Variants in AGBL1 observed in about 807,000 individuals in gnomAD.
AGBL1 encodes AGBL carboxypeptidase 1, also known as cytosolic carboxypeptidase 4.
AGBL1 carries 130 observed loss-of-function variants against 118.9 expected under a neutral mutation model. The ratio of observed to expected loss-of-function variants is 1.09; its 90% CI spans 0.95 to 1.26. The LOEUF (loss-of-function observed/expected upper bound fraction) is 1.26, where lower values mean the gene tolerates loss of function less well. AGBL1 is among the 50% of genes most tolerant of loss of function. AGBL1 has a pLI of 0.00. For synonymous variants in AGBL1, 555 were observed against 478.9 expected (o/e 1.16, Z -2.08); for missense variants, 1,584 against 1,298.1 (o/e 1.22, Z -3.38).
chr15:86,301,351 T>C (rs2079741840), intron 17 of AGBL1, among the ~76,000 whole-genome samples: 1 of 151,858 alleles, frequency 6.6e-6, no homozygotes, highest in African/African-American at 2.4e-5. Flanking sequence ...ACCTATCTAG[T>C]TGGTGGCAGA....
chr15:86,328,500 C>G (rs961848470), intron 17 of AGBL1, among the ~76,000 whole-genome samples: 3 of 151,878 alleles, frequency 2.0e-5, no homozygotes, highest in African/African-American at 7.3e-5. Flanking sequence ...TGTAGCATGC[C>G]TCAGCCACTT....
At chr15:86,457,608 T>C (rs1392320408) in intron 18 of AGBL1, among the ~76,000 whole-genome samples, 2 of 152,194 alleles carry the variant, frequency 1.3e-5, no homozygotes, top group African/African-American at 2.4e-5. Flanking sequence ...TCATATCTTG[T>C]AGAAAGATTT....
At chr15:86,822,986 A>G (rs968287270) in intron 22 of AGBL1, among the ~76,000 whole-genome samples, 5 of 152,184 alleles carry the variant, frequency 3.3e-5, no homozygotes, top group Admixed American at 2.0e-4. Context: ...ACAGAAGTCA[A>G]CATGGCACAT....
chr15:86,791,564 C>G (rs891245388), intron 22 of AGBL1, among the ~76,000 whole-genome samples: 1 of 152,004 alleles, frequency 6.6e-6, no homozygotes, highest in Non-Finnish European at 1.5e-5. Context: ...GAAATGTTGC[C>G]TACCTTCACA....
rs917855117 is a variant in AGBL1 at position 86,468,303 on chromosome 15, A to C, written c.2556-54507A>C. On this transcript the variant is annotated intron_variant, in intron 18 of 22. Coordinates refer to ENST00000614907, the MANE Select transcript of AGBL1 (RefSeq NM_001386094.1). ...GCAAACTTTGCAAGGTCTGTCTTTG[A>C]GAACGGAAATCTAGAAACCCTGTCC... Among the ~76,000 whole-genome samples the C allele has an allele frequency of 6.6e-5, 10 of 152,200 alleles. 1 individual carries two copies. In the South Asian group the frequency reaches 2.1e-3, roughly 32 times the overall value.
At chr15:86,298,286 C>CTATATATATATATATGGTAACTA (rs71460469) in intron 17 of AGBL1, among the ~76,000 whole-genome samples, 2 of 63,090 alleles carry the variant, frequency 3.2e-5, no homozygotes, top group African/African-American at 1.2e-4. Flanking sequence ...TATATGGTAA[C>CTATATATATATATATGGTAACTA]TATATATATA....
intron 1 of AGBL1, among the ~76,000 whole-genome samples, chr15:86,118,874 T>G (rs369103658): frequency 2.2e-4 from 33 of 152,278 alleles, no homozygotes; most frequent in African/African-American, 7.5e-4. Context: ...AGCATAATAA[T>G]AGCAACTCCC....
chr15:86,983,061 T>A (rs113064623), intron 23 of AGBL1, among the ~76,000 whole-genome samples: 4,964 of 152,058 alleles, frequency 0.033, 287 homozygotes, highest in African/African-American at 0.11. Context: ...CACACCTTTT[T>A]TTGTTTTGTT....
At chr15:86,098,584 G>A (rs1408823639) in intron 1 of AGBL1, among the ~76,000 whole-genome samples, 1 of 152,046 alleles carries the variant, frequency 6.6e-6, no homozygotes, top group Non-Finnish European at 1.5e-5. Flanking sequence ...TTTCCCCAGT[G>A]TATGTTCTTG....
chr15:86,696,660 GT>G (rs2086267449), intron 22 of AGBL1, among the ~76,000 whole-genome samples: 4 of 151,236 alleles, frequency 2.6e-5, no homozygotes, highest in Admixed American at 2.6e-4. Context: ...CCTTGTTGTT[GT>G]TTTTTTAATT....
Position 86,925,186 on chromosome 15 carries a change from G to GAAGAGGAAGAGGAAGAA in AGBL1, c.3222-62797_3222-62796insGGAAGAGGAAGAAAAGA, listed in dbSNP as rs1555463597. ...GGAGGAGGAAGAGGAAGAGGAAGAG[G>GAAGAGGAAGAGGAAGAA]AAGAAAAGAAGAAAAGAAGAAGAAA... On this transcript the variant is annotated intron_variant, in intron 23 of 24. Transcript: ENST00000441037. Among the ~76,000 whole-genome samples the GAAGAGGAAGAGGAAGAA allele has an allele frequency of 1.3e-3, 183 of 138,246 alleles. 7 individuals are homozygous for GAAGAGGAAGAGGAAGAA. In the South Asian group the frequency reaches 0.025, roughly 19 times the overall value. 90.7% of individuals were successfully genotyped at this position (138,246 alleles called of 152,430 possible).
chr15:86,784,469 T>C (rs1178543352), intron 22 of AGBL1, among the ~76,000 whole-genome samples: 2 of 152,200 alleles, frequency 1.3e-5, no homozygotes, highest in African/African-American at 4.8e-5. Context: ...GGGTAGCTCG[T>C]TATGAATGCA....
intron 17 of AGBL1, among the ~76,000 whole-genome samples, chr15:86,364,958 C>CACACACATATATATATATATATATAT (rs1474501613): frequency 6.6e-5 from 5 of 76,138 alleles, no homozygotes; most frequent in Non-Finnish European, 9.4e-5. Flanking sequence ...ATATGTCACA[C>CACACACATATATATATATATATATAT]ATATATATAT....
chr15:86,734,089 G>T (rs1025182644), intron 22 of AGBL1, among the ~76,000 whole-genome samples: 36 of 152,128 alleles, frequency 2.4e-4, no homozygotes, highest in African/African-American at 8.5e-4. Flanking sequence ...CCTGTTCTAG[G>T]CAGTTTGCAT....
At chr15:86,282,615 C>T (rs1024668029) in intron 16 of AGBL1, among the ~76,000 whole-genome samples, 1 of 152,130 alleles carries the variant, frequency 6.6e-6, no homozygotes, top group African/African-American at 2.4e-5. Context: ...CAATAATTGA[C>T]TCTGTGACTT....
chr15:86,750,231 ATGT>A (rs1475560676), intron 22 of AGBL1, among the ~76,000 whole-genome samples: 1 of 152,062 alleles, frequency 6.6e-6, no homozygotes, highest in African/African-American at 2.4e-5. Flanking sequence ...TCATTCAACA[ATGT>A]TGTTTTGTAC....
chr15:86,118,497 G>A (rs941067919), intron 1 of AGBL1, among the ~76,000 whole-genome samples: 1 of 150,758 alleles, frequency 6.6e-6, no homozygotes, highest in Non-Finnish European at 1.5e-5. Context: ...GCAATGAGAA[G>A]TTGCATCTTA....
intron 19 of AGBL1, among the ~76,000 whole-genome samples, chr15:86,541,525 G>A (rs1018014663): frequency 2.7e-5 from 4 of 146,858 alleles, no homozygotes; most frequent in Admixed American, 1.4e-4. Context: ...CCAGGATCTC[G>A]AAGGTTGCAG....
intron 1 of AGBL1, among the ~76,000 whole-genome samples, chr15:86,111,251 C>A (rs1567061025): frequency 6.6e-6 from 1 of 152,174 alleles, no homozygotes; most frequent in Non-Finnish European, 1.5e-5. Context: ...GATGGATGGA[C>A]TGGGAATGGG....
Sources: allele counts gnomAD v4.1 joint callset (sites outside exome capture counted in the v4.1 genomes callset), GRCh38; gene constraint gnomAD v4.1.1; transcripts MANE v1.5; gene names NCBI Gene and HGNC (gene_info 2026-07-23, HGNC 2026-07-21).